Variants in MOXD1 observed in about 807,000 individuals in gnomAD.
The protein encoded by MOXD1 is monooxygenase DBH like 1.
A neutral mutation model predicts 66.6 loss-of-function variants in MOXD1; 62 were observed. The observed-to-expected ratio is 0.93, with a 90% CI of 0.76 to 1.15. The LOEUF (loss-of-function observed/expected upper bound fraction) is 1.15, where lower values mean the gene tolerates loss of function less well. Ranked by LOEUF, MOXD1 falls within the 50% of genes most tolerant of loss-of-function variation. The probability of loss-of-function intolerance (pLI) is 0.00; values close to 1 mark genes in which losing one functional copy is unlikely to be tolerated. For synonymous variants in MOXD1, 303 were observed against 281.9 expected, an observed-to-expected ratio of 1.07 and a Z score of -0.75; for missense variants, 847 against 754.6, an observed-to-expected ratio of 1.12 and a Z score of -1.44.
chr6:132,321,200 G>A (rs78930205), intron 8 of MOXD1, among the ~76,000 whole-genome samples: 1 of 151,686 alleles, frequency 6.6e-6, no homozygotes, highest in Non-Finnish European at 1.5e-5. Flanking sequence ...GGAGGTGGAG[G>A]TTGCAGTGAG....
chr6:132,377,065 G>T (rs1776405750), intron 1 of MOXD1, among the ~76,000 whole-genome samples: 1 of 152,118 alleles, frequency 6.6e-6, no homozygotes, highest in South Asian at 2.1e-4. Flanking sequence ...GGCCACTGCT[G>T]GGATAGGATG....
intron 10 of MOXD1, among the ~76,000 whole-genome samples, chr6:132,301,151 T>C (rs73544057): frequency 0.029 from 4,414 of 151,554 alleles, 191 homozygotes; most frequent in African/African-American, 0.1. Flanking sequence ...CTGCATATCT[T>C]GTCAGTGTGT....
rs149457278 is a variant in MOXD1, at chr6:132,345,649, A to G, written c.664-17055T>C. On this transcript the variant is annotated intron_variant, in intron 4 of 11. Transcript: ENST00000367963. ...TATTTACTTCCCTATTACTGAGTCA[A>G]TGCAACATAATTTATCTCCTCTTAT... Among the ~76,000 whole-genome samples the G allele has an allele frequency of 8.5e-3, 1,291 of 152,284 alleles. 44 individuals carry two copies. The highest frequency in any genetic ancestry group is 0.064 in the Admixed American group (975 of 15,294).
chr6:132,392,518 T>C (rs1470094877), intron 1 of MOXD1, among the ~76,000 whole-genome samples: 2 of 152,050 alleles, frequency 1.3e-5, no homozygotes, highest in Non-Finnish European at 2.9e-5. Context: ...AGTTGCTCTG[T>C]GTCAAAAAGG....
intron 1 of MOXD1, among the ~76,000 whole-genome samples, chr6:132,399,262 G>C (rs1776967362): frequency 6.6e-6 from 1 of 152,136 alleles, no homozygotes; most frequent in East Asian, 1.9e-4. Flanking sequence ...GGTAAAATAT[G>C]TCAGCCAAGT....
At chr6:132,345,748 G>C (rs1775656509) in intron 4 of MOXD1, among the ~76,000 whole-genome samples, 1 of 152,056 alleles carries the variant, frequency 6.6e-6, no homozygotes, top group Non-Finnish European at 1.5e-5. Flanking sequence ...TAGAACAACG[G>C]AGTTTTCTTC....
intron 10 of MOXD1, among the ~76,000 whole-genome samples, chr6:132,310,877 A>G (rs1314291217): frequency 2.0e-5 from 3 of 152,086 alleles, no homozygotes; most frequent in Admixed American, 6.6e-5. Context: ...GGAATATAGA[A>G]GATGGGCCAA....
intron 10 of MOXD1, among the ~76,000 whole-genome samples, chr6:132,305,413 A>G (rs975614358): frequency 6.6e-6 from 1 of 152,256 alleles, no homozygotes; most frequent in African/African-American, 2.4e-5. Flanking sequence ...GCCTCTGTGG[A>G]CCAGCAGGCT....
At chr6:132,383,051 G>A (rs1776543235) in intron 1 of MOXD1, among the ~76,000 whole-genome samples, 1 of 152,136 alleles carries the variant, frequency 6.6e-6, no homozygotes, top group Admixed American at 6.5e-5. Flanking sequence ...ACAGCTGCAG[G>A]GAGATTCTTG....
intron 10 of MOXD1, among the ~76,000 whole-genome samples, chr6:132,299,389 TTGTAACAAAC>T (rs1774479487): frequency 6.6e-6 from 1 of 152,084 alleles, no homozygotes; most frequent in Admixed American, 6.6e-5. Context: ...CAATATACCA[TTGTAACAAAC>T]CTAAACATGC....
chr6:132,372,471 A>C, intron 4 of MOXD1, 137 bp downstream of exon 4: 1 of 767,226 alleles, frequency 1.3e-6, no homozygotes. Flanking sequence ...CAGGTCAGCC[A>C]AGCCAGTTCT....
chr6:132,393,995 C>A (rs1394010612), intron 1 of MOXD1, among the ~76,000 whole-genome samples: 1 of 152,214 alleles, frequency 6.6e-6, no homozygotes, highest in Non-Finnish European at 1.5e-5. Context: ...CCACAGCATA[C>A]CTGCTACCCA....
intron 4 of MOXD1, among the ~76,000 whole-genome samples, chr6:132,349,633 T>C (rs1317321097): frequency 2.6e-5 from 4 of 151,816 alleles, no homozygotes; most frequent in Admixed American, 1.3e-4. Flanking sequence ...TCTGGGTAGA[T>C]ACCCAGTAGT....
chr6:132,352,262 G>A (rs1295210062), intron 4 of MOXD1, among the ~76,000 whole-genome samples: 1 of 152,026 alleles, frequency 6.6e-6, no homozygotes, highest in Non-Finnish European at 1.5e-5. Context: ...TTTGATGTAG[G>A]CATTTAGGGC....
chr6:132,338,538 A>G (rs1321715047), intron 4 of MOXD1, among the ~76,000 whole-genome samples: 2 of 152,160 alleles, frequency 1.3e-5, no homozygotes, highest in African/African-American at 4.8e-5. Flanking sequence ...CTGCAACAGA[A>G]TCACACTCTT....
At chr6:132,393,341 A>G (rs925708177) in intron 1 of MOXD1, among the ~76,000 whole-genome samples, 13 of 152,216 alleles carry the variant, frequency 8.5e-5, no homozygotes, top group African/African-American at 3.1e-4. Context: ...CAATTAGATA[A>G]TCACATTTTG....
chr6:132,304,727 A>G (rs1774647581), intron 10 of MOXD1, among the ~76,000 whole-genome samples: 1 of 152,232 alleles, frequency 6.6e-6, no homozygotes, highest in Admixed American at 6.5e-5. Context: ...CTTTACAATA[A>G]CCAATAAACA....
At chr6:132,304,854 C>T (rs1039445483) in intron 10 of MOXD1, among the ~76,000 whole-genome samples, 1 of 152,106 alleles carries the variant, frequency 6.6e-6, no homozygotes, top group African/African-American at 2.4e-5. Flanking sequence ...ATACAAAATA[C>T]TGCCAAGAAT....
intron 1 of MOXD1, among the ~76,000 whole-genome samples, chr6:132,379,508 G>T (rs1370445663): frequency 6.6e-6 from 1 of 152,136 alleles, no homozygotes; most frequent in Non-Finnish European, 1.5e-5. Context: ...TGTCCACCTT[G>T]AACAGTTTAT....
Sources: allele counts gnomAD v4.1 joint callset (sites outside exome capture counted in the v4.1 genomes callset), GRCh38; gene constraint gnomAD v4.1.1; transcripts MANE v1.5; gene names NCBI Gene and HGNC (gene_info 2026-07-23, HGNC 2026-07-21).